Variants in SLC24A2 observed in about 807,000 individuals in gnomAD.
The protein encoded by SLC24A2 is sodium/potassium/calcium exchanger 2.
Under a neutral mutation model 62.0 loss-of-function variants are expected in SLC24A2, and 36 were observed. The observed-to-expected ratio is 0.58, with a 90% CI of 0.44 to 0.77. SLC24A2 has a LOEUF of 0.77. Ranked by LOEUF, SLC24A2 falls within the 30% of genes least tolerant of loss-of-function variation. The pLI, the probability that SLC24A2 is intolerant of heterozygous loss-of-function variation, is 0.00. For synonymous variants in SLC24A2, 358 were observed against 294.0 expected, an observed-to-expected ratio of 1.22 and a Z score of -2.23; for missense variants, 846 against 817.9, an observed-to-expected ratio of 1.03 and a Z score of -0.42.
the SLC24A2 span, among the ~76,000 whole-genome samples, chr9:19,911,829 C>G: frequency 6.6e-6 from 1 of 152,102 alleles, no homozygotes; most frequent in African/African-American, 2.4e-5. Context: ...TAGATCTTAT[C>G]TCAGCACACT....
At chr9:19,519,467 T>G (rs1269511743) in intron 10 of SLC24A2, among the ~76,000 whole-genome samples, 6 of 152,124 alleles carry the variant, frequency 3.9e-5, no homozygotes, top group Non-Finnish European at 7.4e-5. Context: ...TACAAGAGAT[T>G]GACCAAGAAC....
chr9:19,987,756 T>C, the SLC24A2 span, among the ~76,000 whole-genome samples: 1 of 152,176 alleles, frequency 6.6e-6, no homozygotes, highest in African/African-American at 2.4e-5. Flanking sequence ...GTATTCTCTG[T>C]TTCTTTTGGC....
chr9:20,195,725 T>A, the SLC24A2 span, among the ~76,000 whole-genome samples: 3 of 152,180 alleles, frequency 2.0e-5, no homozygotes, highest in Admixed American at 2.0e-4. Context: ...TCACTCTTTA[T>A]CATCTAAGTG....
chr9:19,930,167 A>G, the SLC24A2 span, among the ~76,000 whole-genome samples: 1 of 152,198 alleles, frequency 6.6e-6, no homozygotes, highest in Non-Finnish European at 1.5e-5. Context: ...GTAATGTCCT[A>G]GGTCTTCACA....
chr9:20,248,437 G>A, the SLC24A2 span, among the ~76,000 whole-genome samples: 44 of 152,294 alleles, frequency 2.9e-4, no homozygotes, highest in African/African-American at 9.4e-4. Context: ...AAATCAAGGC[G>A]CCAACAGATC....
At chr9:19,996,112 G>A in the SLC24A2 span, among the ~76,000 whole-genome samples, 1 of 152,216 alleles carries the variant, frequency 6.6e-6, no homozygotes, top group South Asian at 2.1e-4. Context: ...ACTATGTAAG[G>A]AGCATGGGGT....
the SLC24A2 span, among the ~76,000 whole-genome samples, chr9:20,086,947 T>C: frequency 2.0e-5 from 3 of 152,208 alleles, no homozygotes; most frequent in Non-Finnish European, 4.4e-5. Flanking sequence ...TTCCCATCTA[T>C]GCTCTTCCCT....
the SLC24A2 span, among the ~76,000 whole-genome samples, chr9:20,029,244 G>A: frequency 6.6e-6 from 1 of 152,190 alleles, no homozygotes; most frequent in Non-Finnish European, 1.5e-5. Flanking sequence ...GCCTGGCTGG[G>A]GGACAGCAGC....
the SLC24A2 span, among the ~76,000 whole-genome samples, chr9:19,906,108 T>A: frequency 1.4e-4 from 21 of 152,166 alleles, no homozygotes; most frequent in Admixed American, 8.5e-4. Context: ...GTAAAAGAAC[T>A]GAAATTATAA....
the SLC24A2 span, among the ~76,000 whole-genome samples, chr9:19,968,924 T>G: frequency 6.6e-6 from 1 of 152,108 alleles, no homozygotes; most frequent in Non-Finnish European, 1.5e-5. Flanking sequence ...ACACAATTGC[T>G]TAAGTAACAT....
At chr9:19,675,283 G>A (rs1819530269) in intron 2 of SLC24A2, among the ~76,000 whole-genome samples, 1 of 152,142 alleles carries the variant, frequency 6.6e-6, no homozygotes, top group East Asian at 1.9e-4. Context: ...GACTCTGTGA[G>A]GGTCCTTAGT....
At chr9:20,225,564 A>ATATATATAATATATATTCTATATATAT in the SLC24A2 span, among the ~76,000 whole-genome samples, 10 of 115,966 alleles carry the variant, frequency 8.6e-5, 3 homozygotes, top group African/African-American at 4.0e-4. Context: ...TATATATTAT[A>ATATATATAATATATATTCTATATATAT]TATATATATA....
At chr9:19,634,462 A>G (rs900475046) in intron 2 of SLC24A2, among the ~76,000 whole-genome samples, 3 of 151,768 alleles carry the variant, frequency 2.0e-5, no homozygotes, top group African/African-American at 4.8e-5. Context: ...CTAATTTTGT[A>G]TTTTTAGTAG....
chr9:20,216,641 G>A, the SLC24A2 span, among the ~76,000 whole-genome samples: 11 of 152,224 alleles, frequency 7.2e-5, no homozygotes, highest in African/African-American at 2.2e-4. Context: ...GATATCCAGT[G>A]TCTCATTTTT....
chr9:19,937,038 G>T, the SLC24A2 span, among the ~76,000 whole-genome samples: 3 of 152,114 alleles, frequency 2.0e-5, no homozygotes, highest in African/African-American at 7.2e-5. Context: ...AAAAAGTCAG[G>T]AGAAAGGAAA....
the SLC24A2 span, among the ~76,000 whole-genome samples, chr9:20,039,570 G>C: frequency 3.9e-5 from 6 of 152,056 alleles, no homozygotes; most frequent in Non-Finnish European, 7.3e-5. Context: ...TTGGCATTGT[G>C]GAAATAGGCA....
intron 9 of SLC24A2, among the ~76,000 whole-genome samples, chr9:19,522,717 A>T (rs1217282435): frequency 6.6e-6 from 1 of 152,174 alleles, no homozygotes; most frequent in Non-Finnish European, 1.5e-5. Flanking sequence ...CAGAACATAC[A>T]CAGCCTGATA....
the SLC24A2 span, among the ~76,000 whole-genome samples, chr9:20,307,442 G>T: frequency 8.9e-4 from 135 of 152,314 alleles, no homozygotes; most frequent in Non-Finnish European, 1.5e-3. Context: ...ATTTGGGAAA[G>T]GCTGCTTTCT....
chr9:19,561,585 C>A (rs1046182653), intron 7 of SLC24A2, among the ~76,000 whole-genome samples: 2 of 151,900 alleles, frequency 1.3e-5, no homozygotes, highest in Admixed American at 1.3e-4. Context: ...CAGGTGCGTG[C>A]CACCACACCT....
Sources: gnomAD v4.1 joint callset for allele counts (sites outside exome capture counted in the v4.1 genomes callset) on GRCh38, gnomAD v4.1.1 for gene constraint, MANE v1.5 for transcripts, NCBI Gene and HGNC (gene_info 2026-07-23, HGNC 2026-07-21) for gene names.